The following GALNT17 variants were observed in gnomAD, a reference collection of about 807,000 sequenced individuals.
GALNT17 encodes UDP-GalNAc:polypeptide N-acetylgalactosaminyltransferase-like 3.
GALNT17 carries 29 observed loss-of-function variants against 63.7 expected under a neutral mutation model. The ratio of observed to expected loss-of-function variants is 0.46; its 90% confidence interval spans 0.34 to 0.62. GALNT17 has a LOEUF of 0.62. Among genes scored for constraint, GALNT17 ranks in the 20% least tolerant of loss-of-function variants. The pLI, the probability that GALNT17 is intolerant of heterozygous loss-of-function variation, is 0.01. For synonymous variants in GALNT17, 305 were observed against 318.3 expected, an observed-to-expected ratio of 0.96 and a Z score of 0.45; for missense variants, 603 against 799.6, an observed-to-expected ratio of 0.75 and a Z score of 2.97.
At chr7:71,386,935 G>A (rs971849794) in intron 2 of GALNT17, among the ~76,000 whole-genome samples, 3 of 152,124 alleles carry the variant, frequency 2.0e-5, no homozygotes, top group African/African-American at 7.2e-5. Flanking sequence ...AGCACTTAGT[G>A]GGTTCAGTAG....
At chr7:71,213,923 T>C (rs1789427617) in intron 1 of GALNT17, among the ~76,000 whole-genome samples, 2 of 152,242 alleles carry the variant, frequency 1.3e-5, no homozygotes, top group Admixed American at 6.5e-5. Context: ...CAGCAAACTC[T>C]CATCTCTCTA....
At chr7:71,623,364 G>A (rs749985472) in intron 6 of GALNT17, among the ~76,000 whole-genome samples, 8 of 150,522 alleles carry the variant, frequency 5.3e-5, no homozygotes, top group South Asian at 2.1e-4. Context: ...GCCTTCGTAC[G>A]TGTAAGCGCT....
intron 5 of GALNT17, among the ~76,000 whole-genome samples, chr7:71,451,855 C>T (rs1217923967): frequency 6.6e-6 from 1 of 151,894 alleles, no homozygotes; most frequent in Admixed American, 6.6e-5. Context: ...TAAATATAAG[C>T]TTCTATTCTT....
At chr7:71,664,107 C>A (rs140048341) in intron 6 of GALNT17, among the ~76,000 whole-genome samples, 1 of 151,488 alleles carries the variant, frequency 6.6e-6, no homozygotes, top group African/African-American at 2.4e-5. Flanking sequence ...CAGGTCCTTA[C>A]GGCCTAGGTG....
intron 5 of GALNT17, among the ~76,000 whole-genome samples, chr7:71,561,446 G>A (rs371696303): frequency 2.1e-4 from 32 of 152,292 alleles, no homozygotes; most frequent in African/African-American, 7.5e-4. Flanking sequence ...CCAGGGGTGA[G>A]GATGAGTGTT....
chr7:71,684,669 T>C (rs913706955), intron 9 of GALNT17, among the ~76,000 whole-genome samples: 22 of 152,150 alleles, frequency 1.4e-4, no homozygotes, highest in African/African-American at 5.1e-4. Flanking sequence ...CCCCCGACTT[T>C]ATTTTTTATT....
intron 2 of GALNT17, among the ~76,000 whole-genome samples, chr7:71,369,929 G>A (rs1457872980): frequency 6.6e-6 from 1 of 152,088 alleles, no homozygotes; most frequent in African/African-American, 2.4e-5. Context: ...AGTGGAAATG[G>A]GATTTAAAGA....
At chr7:71,229,429 G>A (rs1410347081) in intron 1 of GALNT17, among the ~76,000 whole-genome samples, 1 of 152,202 alleles carries the variant, frequency 6.6e-6, no homozygotes, top group Non-Finnish European at 1.5e-5. Flanking sequence ...GTTTTGGAGC[G>A]TTTCCTGGCT....
intron 6 of GALNT17, among the ~76,000 whole-genome samples, chr7:71,612,204 G>A (rs1279310704): frequency 1.3e-5 from 2 of 152,160 alleles, no homozygotes; most frequent in Non-Finnish European, 2.9e-5. Flanking sequence ...GTGTGAGTAG[G>A]AGAAACAGGA....
chr7:71,677,091 T>C, intron 8 of GALNT17, 120 bp from the exon 9 acceptor site: 1 of 968,390 alleles, frequency 1.0e-6, no homozygotes, highest in Non-Finnish European at 1.7e-6. Context: ...GGTCCTCACT[T>C]AGAGGCTCGT....
At chr7:71,301,471 A>G (rs1791196904) in intron 1 of GALNT17, among the ~76,000 whole-genome samples, 1 of 149,076 alleles carries the variant, frequency 6.7e-6, no homozygotes, top group African/African-American at 2.4e-5. Context: ...ATAAAAAATA[A>G]TTACTTTTTT....
chr7:71,552,166 T>C (rs6960915), intron 5 of GALNT17, among the ~76,000 whole-genome samples: 44,752 of 151,584 alleles, frequency 0.3, 6,908 homozygotes, highest in Admixed American at 0.34. Context: ...TGCCTCAGCC[T>C]CTTGCATAGC....
intron 6 of GALNT17, among the ~76,000 whole-genome samples, chr7:71,607,645 A>G (rs961637018): frequency 2.6e-5 from 4 of 152,222 alleles, no homozygotes; most frequent in Admixed American, 1.3e-4. Context: ...CTCAAGAAAT[A>G]CTGCTGAAGG....
chr7:71,459,569 G>A (rs1170785953), intron 5 of GALNT17, among the ~76,000 whole-genome samples: 2 of 152,250 alleles, frequency 1.3e-5, no homozygotes, highest in South Asian at 2.1e-4. Flanking sequence ...CCTATAGATC[G>A]TGACTTACTT....
chr7:71,701,830 CATATATATATGTGTATAT>C (rs1562742404), intron 9 of GALNT17, among the ~76,000 whole-genome samples: 1 of 23,680 alleles, frequency 4.2e-5, no homozygotes, highest in African/African-American at 6.5e-5. Flanking sequence ...TATATATACA[CATATATATATGTGTATAT>C]ATATATACAC....
intron 5 of GALNT17, among the ~76,000 whole-genome samples, chr7:71,476,199 C>G (rs7806529): frequency 0.73 from 111,486 of 152,062 alleles, 42,867 homozygotes; most frequent in Non-Finnish European, 0.87. Context: ...TGCAGTGAAC[C>G]ATGATTGTGC....
chr7:71,697,086 A>G (rs1385396306), intron 9 of GALNT17, among the ~76,000 whole-genome samples: 1 of 152,188 alleles, frequency 6.6e-6, no homozygotes, highest in East Asian at 1.9e-4. Context: ...GAGAAACCTC[A>G]TATCATCTAT....
intron 1 of GALNT17, among the ~76,000 whole-genome samples, chr7:71,185,312 C>T (rs1348002041): frequency 6.6e-6 from 1 of 151,032 alleles, no homozygotes; most frequent in East Asian, 2.0e-4. Flanking sequence ...CTCAGGTGAT[C>T]CCCCCACCTC....
chr7:71,685,946 C>CTT (rs1347994922), intron 9 of GALNT17, among the ~76,000 whole-genome samples: 53 of 86,760 alleles, frequency 6.1e-4, no homozygotes, highest in African/African-American at 2.5e-3. Flanking sequence ...AAGGCAATTA[C>CTT]TATTTTTTTT....
Sources: gnomAD v4.1 joint callset for allele counts (sites outside exome capture counted in the v4.1 genomes callset) on GRCh38, gnomAD v4.1.1 for gene constraint, MANE v1.5 for transcripts, NCBI Gene and HGNC (gene_info 2026-07-23, HGNC 2026-07-21) for gene names.